Variants in ANO4 observed in about 807,000 individuals in gnomAD.
ANO4 encodes anoctamin-4.
In ANO4, 69 loss-of-function variants were observed where a neutral mutation model predicts 141.9. That is an observed-to-expected ratio of 0.49 (90% CI 0.40 to 0.59). The LOEUF is 0.59. Among genes scored for constraint, ANO4 ranks in the 20% least tolerant of loss-of-function variants. The probability of loss-of-function intolerance (pLI) is 0.00; values close to 1 mark genes in which losing one functional copy is unlikely to be tolerated. For synonymous variants in ANO4, 350 were observed against 394.3 expected (o/e 0.89, Z 1.33); for missense variants, 894 against 1,162.2 (o/e 0.77, Z 3.36).
intron 3 of ANO4, among the ~76,000 whole-genome samples, chr12:100,785,141 C>A (rs182004488): frequency 6.6e-6 from 1 of 152,192 alleles, no homozygotes; most frequent in Non-Finnish European, 1.5e-5. Context: ...ACAGAGATTT[C>A]CCACACACCC....
chr12:101,046,050 G>A (rs540973582), intron 13 of ANO4, among the ~76,000 whole-genome samples: 3 of 152,260 alleles, frequency 2.0e-5, no homozygotes, highest in Non-Finnish European at 4.4e-5. Flanking sequence ...CAGAGGCCAA[G>A]GCCAAGTTTG....
chr12:100,848,144 C>G (rs538311576), intron 1 of ANO4, among the ~76,000 whole-genome samples: 1 of 152,044 alleles, frequency 6.6e-6, no homozygotes, highest in East Asian at 1.9e-4. Flanking sequence ...CTTTTTCTTC[C>G]TGTAGATTAG....
chr12:100,984,115 G>A (rs1052592711), intron 7 of ANO4, among the ~76,000 whole-genome samples: 2 of 152,078 alleles, frequency 1.3e-5, no homozygotes, highest in African/African-American at 4.8e-5. Flanking sequence ...ATTTATTTAT[G>A]ACACGGAGTC....
At position 100,971,513 on chromosome 12, in the gene ANO4, A is replaced by G. The variant is rs2043934672; in HGVS notation, c.557+107A>G. On this transcript the variant is annotated intron_variant, in intron 6 of 27. Transcript: ENST00000392977. Reference sequence around the variant, plus strand: ...CTGAAATGCAGATTGGAAGGCCATTAGAGGAGGGAATCTTTCAAATGTTTA... The same window carrying G: ...CTGAAATGCAGATTGGAAGGCCATTGGAGGAGGGAATCTTTCAAATGTTTA... 14 of 707,904 alleles carry G rather than the reference A, an allele frequency of 2.0e-5. No individual in the cohort carries two copies. In the East Asian group the frequency reaches 2.2e-4, roughly 11 times the overall value. 43.9% of individuals were successfully genotyped at this position (707,904 alleles called of 1,614,324 possible).
chr12:101,032,920 G>A (rs575910543), intron 9 of ANO4, among the ~76,000 whole-genome samples: 21 of 151,546 alleles, frequency 1.4e-4, no homozygotes, highest in Admixed American at 9.9e-4. Context: ...CGATTCCTCA[G>A]GGATCTAGAA....
chr12:101,073,684 G>A (rs1340541457), intron 14 of ANO4, among the ~76,000 whole-genome samples: 6 of 151,680 alleles, frequency 4.0e-5, no homozygotes, highest in Middle Eastern at 3.4e-3. Context: ...CCTTCTCAAC[G>A]GTCTGTGATT....
intron 2 of ANO4, among the ~76,000 whole-genome samples, chr12:100,915,096 C>T (rs1297275680): frequency 3.3e-5 from 5 of 152,122 alleles, no homozygotes; most frequent in Non-Finnish European, 5.9e-5. Flanking sequence ...TCTGGGGTTA[C>T]AGGTGTGAGC....
intron 3 of ANO4, among the ~76,000 whole-genome samples, chr12:100,762,820 G>T (rs1415228318): frequency 6.6e-6 from 1 of 152,172 alleles, no homozygotes; most frequent in African/African-American, 2.4e-5. Flanking sequence ...CTAGAATGCA[G>T]TTTCCATGTG....
Position 101,096,528 on chromosome 12 carries a change from G to T in ANO4, c.1739-8G>T. ...GCCTTTCAAACTCTGCTCACCTTTTGTCCACAGAACAGCCTCGCACAGAGT... is the reference window on the plus strand; with the variant it reads ...GCCTTTCAAACTCTGCTCACCTTTTTTCCACAGAACAGCCTCGCACAGAGT... On this transcript the variant is annotated splice_polypyrimidine_tract_variant and splice_region_variant and intron_variant, in intron 18 of 27. Transcript: ENST00000392977. 6.2e-7 allele frequency: 1 copy of T among 1,609,066 alleles called. No individual in the cohort carries two copies. Among genetic ancestry groups the T allele is most frequent in the Non-Finnish European group, 8.5e-7 (1 of 1,175,642 alleles).
intron 3 of ANO4, among the ~76,000 whole-genome samples, chr12:100,752,509 C>T (rs77359507): frequency 1.7e-4 from 26 of 152,028 alleles, no homozygotes; most frequent in Non-Finnish European, 2.4e-4. Flanking sequence ...TCACTGCTTA[C>T]GAAGGAATTG....
chr12:100,780,080 G>A (rs903552051), intron 3 of ANO4, among the ~76,000 whole-genome samples: 2 of 151,982 alleles, frequency 1.3e-5, no homozygotes, highest in African/African-American at 4.8e-5. Context: ...CTGGAGTGCA[G>A]TGACACAATC....
intron 10 of ANO4, chr12:101,038,722 G>A (rs939170239): frequency 1.4e-4 from 22 of 152,172 alleles, no homozygotes; most frequent in African/African-American, 4.1e-4. Context: ...CAATGAGTTG[G>A]TGGTTGATCT....
intron 1 of ANO4, among the ~76,000 whole-genome samples, chr12:100,889,728 G>T (rs190533492): frequency 0.011 from 1,604 of 152,240 alleles, 14 homozygotes; most frequent in Non-Finnish European, 0.016. Flanking sequence ...TCATTAAAAA[G>T]TCAGGAAACA....
At chr12:100,995,829 G>A (rs2045343685) in intron 8 of ANO4, among the ~76,000 whole-genome samples, 1 of 152,162 alleles carries the variant, frequency 6.6e-6, no homozygotes, top group Non-Finnish European at 1.5e-5. Context: ...GGAGCAAGGG[G>A]CACCCAGGGA....
intron 1 of ANO4, among the ~76,000 whole-genome samples, chr12:100,871,819 G>C (rs1227055577): frequency 6.6e-6 from 1 of 152,110 alleles, no homozygotes; most frequent in Non-Finnish European, 1.5e-5. Context: ...TTGGTTTGGG[G>C]TGGGGGCTCT....
chr12:100,819,780 T>C (rs906733867), intron 1 of ANO4, among the ~76,000 whole-genome samples: 1 of 151,976 alleles, frequency 6.6e-6, no homozygotes, highest in African/African-American at 2.4e-5. Context: ...GATGAAAGCA[T>C]GCGAGACTTG....
In ANO4 at chr12:100,737,928, A is replaced by G. The variant is rs140334676; in HGVS notation, c.107-1926A>G. 3.9e-3 allele frequency among the ~76,000 whole-genome samples: 590 copies of G among 152,250 alleles called. 5 individuals carry two copies. The highest frequency in any genetic ancestry group is 0.012 in the African/African-American group (498 of 41,574). ...TGGATTTCCTAGTAATGTGGTTCCT[A>G]GATGAACCTATGTCTTGCCCAAAGC... On this transcript the variant is annotated intron_variant, in intron 2 of 29. Coordinates refer to the ANO4 transcript ENST00000644049.
intron 1 of ANO4, among the ~76,000 whole-genome samples, chr12:100,824,769 G>A (rs1006749496): frequency 2.0e-5 from 3 of 152,078 alleles, no homozygotes; most frequent in African/African-American, 7.2e-5. Flanking sequence ...TTCACAGACC[G>A]GAAAATTTAA....
chr12:100,818,448 A>G (rs2035854041), intron 1 of ANO4, among the ~76,000 whole-genome samples: 1 of 151,900 alleles, frequency 6.6e-6, no homozygotes, highest in East Asian at 1.9e-4. Flanking sequence ...TTATTCACTA[A>G]ATCAGATAGT....
Sources: allele counts gnomAD v4.1 joint callset (sites outside exome capture counted in the v4.1 genomes callset), GRCh38; gene constraint gnomAD v4.1.1; transcripts MANE v1.5; gene names NCBI Gene and HGNC (gene_info 2026-07-23, HGNC 2026-07-21).